R3HDM2: variants seen among roughly 807,000 people sequenced by gnomAD.
R3HDM2 encodes the protein R3H domain-containing protein 2.
A neutral mutation model predicts 124.5 loss-of-function variants in R3HDM2; 38 were observed. That is an observed-to-expected ratio of 0.31 (90% confidence interval 0.24 to 0.40). R3HDM2 has a LOEUF of 0.40. Among genes scored for constraint, R3HDM2 ranks in the 10% least tolerant of loss-of-function variants. The probability of loss-of-function intolerance (pLI) is 1.00; values close to 1 mark genes in which losing one functional copy is unlikely to be tolerated. For missense variants in R3HDM2, 869 were observed against 1,236.9 expected, an observed-to-expected ratio of 0.70 and a Z score of 4.46; for synonymous variants, 391 against 448.0, an observed-to-expected ratio of 0.87 and a Z score of 1.61.
At chr12:57,283,607 C>T (rs552999238) in intron 13 of R3HDM2, among the ~76,000 whole-genome samples, 20 of 152,128 alleles carry the variant, frequency 1.3e-4, no homozygotes, top group South Asian at 1.0e-3. Flanking sequence ...GGTGTGGTGG[C>T]GCATGCCTGT....
intron 2 of R3HDM2, among the ~76,000 whole-genome samples, chr12:57,322,170 C>T (rs925186973): frequency 6.6e-6 from 1 of 152,114 alleles, no homozygotes; most frequent in Non-Finnish European, 1.5e-5. Context: ...GAGCCAAGAT[C>T]GCGCCACTGC....
At chr12:57,400,572 T>G (rs529963551) in intron 1 of R3HDM2, among the ~76,000 whole-genome samples, 2 of 152,084 alleles carry the variant, frequency 1.3e-5, no homozygotes, top group African/African-American at 4.8e-5. Flanking sequence ...CCCTAGAACT[T>G]AAAGTATAAT....
At chr12:57,314,917 G>C (rs886924861) in intron 2 of R3HDM2, among the ~76,000 whole-genome samples, 3 of 152,112 alleles carry the variant, frequency 2.0e-5, no homozygotes, top group African/African-American at 7.2e-5. Flanking sequence ...GGCTGCAGTG[G>C]CATGATCGTG....
At chr12:57,374,155 G>C (rs1032420644) in intron 2 of R3HDM2, among the ~76,000 whole-genome samples, 1 of 151,704 alleles carries the variant, frequency 6.6e-6, no homozygotes, top group African/African-American at 2.4e-5. Flanking sequence ...TATGGTCCCT[G>C]CCCACTCTTA....
chr12:57,268,805 A>G (rs2043004547), intron 17 of R3HDM2, 117 bp downstream of exon 17: 1 of 1,296,576 alleles, frequency 7.7e-7, no homozygotes, highest in Non-Finnish European at 1.1e-6. Flanking sequence ...TAAAAATTCT[A>G]GGGGAAAGTA....
chr12:57,364,533 T>G (rs2062364928), intron 2 of R3HDM2, among the ~76,000 whole-genome samples: 1 of 152,144 alleles, frequency 6.6e-6, no homozygotes, highest in South Asian at 2.1e-4. Flanking sequence ...TTCACAGATT[T>G]GGTTTCTCCC....
At position 57,405,291 on chromosome 12, in the gene R3HDM2, T is replaced by C. The variant is rs1190188916; in HGVS notation, c.-105-9473A>G. On this transcript the variant is annotated intron_variant, in intron 1 of 23. Coordinates refer to ENST00000402412, the MANE Select transcript of R3HDM2 (RefSeq NM_001394031.1). ...ATTTAAATTTCTCATAATGAGTACA[T>C]ATTACTTTTGTAATTTGAAAAATGC... is the stretch of plus-strand genomic sequence containing the variant. Among the ~76,000 whole-genome samples the C allele has an allele frequency of 2.6e-5, 4 of 152,230 alleles. No homozygotes were observed. The South Asian group carries it at 6.2e-4, about 24-fold the overall frequency.
chr12:57,348,455 A>G (rs1014058391), intron 2 of R3HDM2, among the ~76,000 whole-genome samples: 3 of 152,026 alleles, frequency 2.0e-5, no homozygotes, highest in African/African-American at 7.2e-5. Context: ...GCACTTTGGG[A>G]GGCCAAGGCA....
intron 1 of R3HDM2, among the ~76,000 whole-genome samples, chr12:57,421,866 G>T (rs979263105): frequency 6.6e-6 from 1 of 152,066 alleles, no homozygotes; most frequent in African/African-American, 2.4e-5. Flanking sequence ...GGAGGCCAAG[G>T]GGGGCGGATC....
intron 2 of R3HDM2, among the ~76,000 whole-genome samples, chr12:57,383,493 A>T (rs955812386): frequency 2.0e-5 from 3 of 151,928 alleles, no homozygotes; most frequent in Non-Finnish European, 4.4e-5. Flanking sequence ...ACCTGAGGTC[A>T]GGAGTTCAAG....
chr12:57,257,444 T>A (rs2039403132), intron 21 of R3HDM2, among the ~76,000 whole-genome samples: 1 of 152,250 alleles, frequency 6.6e-6, no homozygotes, highest in Non-Finnish European at 1.5e-5. Flanking sequence ...AACTACATTC[T>A]CATTTTTATA....
intron 1 of R3HDM2, among the ~76,000 whole-genome samples, chr12:57,406,396 A>G (rs566871868): frequency 6.6e-6 from 1 of 152,110 alleles, no homozygotes; most frequent in African/African-American, 2.4e-5. Context: ...CATAATGACT[A>G]TTTTTTAAAA....
At chr12:57,357,114 G>GAATAAATA (rs60165527) in intron 2 of R3HDM2, among the ~76,000 whole-genome samples, 1,999 of 146,726 alleles carry the variant, frequency 0.014, 22 homozygotes, top group African/African-American at 0.031. Context: ...AAAAATAAAT[G>GAATAAATA]AATAAATAAA....
intron 1 of R3HDM2, among the ~76,000 whole-genome samples, chr12:57,414,486 TAAAAAAAAAAAA>T (rs534205889): frequency 1.5e-5 from 1 of 66,618 alleles, no homozygotes; most frequent in Non-Finnish European, 2.6e-5. Flanking sequence ...AAGACTCCAT[TAAAAAAAAAAAA>T]AAAAAAAAAA....
Position 57,395,784 on chromosome 12 carries a change from G to A in R3HDM2, c.-71C>T. ...GCTCAGCCTCCATGAGTCCAGTGCT[G>A]GAATGGCATCACATATAAGAAACAA... On this transcript the variant is annotated 5_prime_UTR_variant, in exon 2 of 24. It introduces an in-frame stop codon into an upstream open reading frame of the 5' UTR. Transcript: ENST00000402412. 1 of 984,782 alleles carries A rather than the reference G, an allele frequency of 1.0e-6. No individual in the cohort carries two copies. Among genetic ancestry groups the A allele is most frequent in the Middle Eastern group, 5.2e-4 (1 of 1,914 alleles). 61.0% of individuals were successfully genotyped at this position (984,782 alleles called of 1,614,324 possible). A position where few individuals can be genotyped will look rare whatever the true frequency, so the allele number is the denominator to read the frequency against.
intron 2 of R3HDM2, among the ~76,000 whole-genome samples, chr12:57,353,066 A>T (rs954208273): frequency 4.6e-5 from 7 of 152,324 alleles, no homozygotes; most frequent in African/African-American, 1.4e-4. Context: ...ATTCTTAATG[A>T]CCTCAGCATA....
intron 2 of R3HDM2, among the ~76,000 whole-genome samples, chr12:57,367,994 A>G (rs4760236): frequency 0.45 from 67,732 of 151,358 alleles, 15,701 homozygotes; most frequent in South Asian, 0.52. Flanking sequence ...TCTGGGTCTG[A>G]TTCAGTTGTT....
intron 2 of R3HDM2, among the ~76,000 whole-genome samples, chr12:57,361,896 C>T (rs542627309): frequency 6.6e-6 from 1 of 152,208 alleles, no homozygotes; most frequent in Admixed American, 6.5e-5. Flanking sequence ...AACCAAGAAG[C>T]AACAGATGAG....
chr12:57,346,631 C>A (rs2060120574), intron 2 of R3HDM2, among the ~76,000 whole-genome samples: 1 of 152,054 alleles, frequency 6.6e-6, no homozygotes, highest in Admixed American at 6.6e-5. Context: ...AGAGAATTCA[C>A]AGTAGCAGAT....
Sources: allele counts gnomAD v4.1 joint callset (sites outside exome capture counted in the v4.1 genomes callset), GRCh38; gene constraint gnomAD v4.1.1; transcripts MANE v1.5; gene names NCBI Gene and HGNC (gene_info 2026-07-23, HGNC 2026-07-21).